The following RAB19 variants were observed in gnomAD, a reference collection of about 807,000 sequenced individuals.
The protein encoded by RAB19 is ras-related protein Rab-19.
A neutral mutation model predicts 17.3 loss-of-function variants in RAB19; 21 were observed. The observed-to-expected ratio is 1.21, with a 90% confidence interval of 0.86 to 1.74. The LOEUF is 1.74. Ranked by LOEUF, RAB19 falls within the 40% of genes most tolerant of loss-of-function variation. The probability of loss-of-function intolerance (pLI) is 0.00; values close to 1 mark genes in which losing one functional copy is unlikely to be tolerated. For missense variants in RAB19, 277 were observed against 286.8 expected, an observed-to-expected ratio of 0.97 and a Z score of 0.25; for synonymous variants, 126 against 110.4, an observed-to-expected ratio of 1.14 and a Z score of -0.88.
intron 3 of RAB19, among the ~76,000 whole-genome samples, chr7:140,421,775 C>G (rs1342012455): frequency 6.6e-6 from 1 of 152,156 alleles, no homozygotes; most frequent in Non-Finnish European, 1.5e-5. Flanking sequence ...ACTGGGTTTA[C>G]AGGCATGAAC....
chr7:140,414,156 T>C (rs1799414532), intron 3 of RAB19, among the ~76,000 whole-genome samples: 1 of 152,130 alleles, frequency 6.6e-6, no homozygotes. Flanking sequence ...GCAATTCTCC[T>C]GCCTCAGCCT....
chr7:140,421,044 C>G (rs1420683417), intron 3 of RAB19, among the ~76,000 whole-genome samples: 4 of 151,890 alleles, frequency 2.6e-5, no homozygotes, highest in Admixed American at 2.0e-4. Flanking sequence ...AGGCGCCCAC[C>G]ACCACACCCA....
intron 2 of RAB19, among the ~76,000 whole-genome samples, chr7:140,408,435 CT>C (rs1289659526): frequency 6.6e-6 from 1 of 150,814 alleles, no homozygotes; most frequent in Non-Finnish European, 1.5e-5. Context: ...GTCAAATTTG[CT>C]TTTTTGGGGG....
chr7:140,411,226 C>T (rs1055700046), intron 2 of RAB19, among the ~76,000 whole-genome samples: 2 of 152,194 alleles, frequency 1.3e-5, no homozygotes, highest in Non-Finnish European at 2.9e-5. Context: ...GGTGAAACCC[C>T]GTCTCTACTA....
Position 140,426,251 on chromosome 7 carries a change from C to A in RAB19, c.*101C>A, listed in dbSNP as rs564146396. On this transcript the variant is annotated 3_prime_UTR_variant, in exon 4 of 4. Coordinates refer to ENST00000537763, the MANE Select transcript of RAB19 (RefSeq NM_001008749.3). ...GCCCCAGTGGCGCTTTAGACCCCAG[C>A]GTGGACTTGCCGCTCACCCCTAATC... The A allele has an allele frequency of 2.2e-5, 31 of 1,380,048 alleles. No individual in the cohort carries two copies. In the African/African-American group the frequency reaches 4.4e-4, roughly 19 times the overall value. 85.5% of individuals were successfully genotyped at this position (1,380,048 alleles called of 1,614,324 possible). A position where few individuals can be genotyped will look rare whatever the true frequency, so the allele number is the denominator to read the frequency against.
At chr7:140,417,028 CCAG>C (rs1799469882) in intron 3 of RAB19, among the ~76,000 whole-genome samples, 1 of 151,028 alleles carries the variant, frequency 6.6e-6, no homozygotes, top group Non-Finnish European at 1.5e-5. Flanking sequence ...GAGTTTGAGA[CCAG>C]CCTGGCCAAC....
In RAB19 at chr7:140,424,635, A is replaced by G. The variant is rs1238524227; in HGVS notation, c.386-1247A>G. 2.2e-4 allele frequency among the ~76,000 whole-genome samples: 29 copies of G among 131,108 alleles called. No individual in the cohort carries two copies. In the South Asian group the frequency reaches 2.4e-3, roughly 11 times the overall value. 86.0% of individuals were successfully genotyped at this position (131,108 alleles called of 152,430 possible). A position where few individuals can be genotyped will look rare whatever the true frequency, so the allele number is the denominator to read the frequency against. On this transcript the variant is annotated intron_variant, in intron 3 of 3. Coordinates refer to ENST00000537763, the MANE Select transcript of RAB19 (RefSeq NM_001008749.3). ...TCTCTCTCTCTATATATATATATAT[A>G]TATATGTGTGTGTGTATATATGTGT...
At chr7:140,421,965 T>C (rs1317619354) in intron 3 of RAB19, among the ~76,000 whole-genome samples, 1 of 152,250 alleles carries the variant, frequency 6.6e-6, no homozygotes, top group African/African-American at 2.4e-5. Context: ...GTTTAATTGA[T>C]TGATTATTAT....
At chr7:140,422,928 T>C (rs978496332) in intron 3 of RAB19, among the ~76,000 whole-genome samples, 12 of 152,168 alleles carry the variant, frequency 7.9e-5, no homozygotes, top group Non-Finnish European at 1.6e-4. Context: ...GCTAACATGG[T>C]GAAACTCTGT....
rs1160023061 is a variant in RAB19, at chr7:140,408,158, T to G, written c.201+311T>G. Among the ~76,000 whole-genome samples, 12 of 151,948 alleles carry G rather than the reference T, an allele frequency of 7.9e-5. 1 individual carries two copies. In the East Asian group the frequency reaches 2.3e-3, roughly 29 times the overall value. On this transcript the variant is annotated intron_variant, in intron 2 of 3. Transcript: ENST00000537763. The stretch of plus-strand genomic sequence containing the variant: ...ACCTCGGCCTCCCAGAGTGCTGGGT[T>G]ACAGGTGTGAGCCACCGCGCCTGGC...
intron 3 of RAB19, 108 bp from the exon 4 acceptor site, chr7:140,425,774 G>T (rs1173771449): frequency 4.4e-6 from 5 of 1,140,820 alleles, no homozygotes; most frequent in Non-Finnish European, 6.3e-6. Flanking sequence ...ATTTGTGAAT[G>T]AATGCATGCA....
At chr7:140,404,970 G>C (rs1403706966) in intron 1 of RAB19, among the ~76,000 whole-genome samples, 2 of 152,216 alleles carry the variant, frequency 1.3e-5, no homozygotes, top group Non-Finnish European at 2.9e-5. Context: ...ACAGAAGTGA[G>C]AGCTGCCCAG....
At chr7:140,417,965 C>T (rs773759603) in intron 3 of RAB19, among the ~76,000 whole-genome samples, 12 of 152,252 alleles carry the variant, frequency 7.9e-5, no homozygotes, top group Non-Finnish European at 1.5e-4. Flanking sequence ...CTGCAAAGAC[C>T]CTGTTAGCAT....
chr7:140,412,969 A>T (rs891782151), intron 3 of RAB19, among the ~76,000 whole-genome samples: 10 of 151,670 alleles, frequency 6.6e-5, no homozygotes, highest in South Asian at 2.1e-4. Flanking sequence ...TACAAAAAAT[A>T]AAAAAAATTA....
At chr7:140,408,410 TCTAA>T (rs1273493196) in intron 2 of RAB19, among the ~76,000 whole-genome samples, 1 of 151,938 alleles carries the variant, frequency 6.6e-6, no homozygotes, top group Admixed American at 6.6e-5. Flanking sequence ...TATACATTTC[TCTAA>T]CTATATAAAG....
In RAB19 at chr7:140,411,901, G is replaced by A; in HGVS notation, c.229G>A (p.Glu77Lys). 2 of 1,614,156 alleles carry A rather than the reference G, an allele frequency of 1.2e-6. No homozygotes were observed. Among genetic ancestry groups the A allele is most frequent in the South Asian group, 1.1e-5 (1 of 91,080 alleles). The stretch of plus-strand genomic sequence containing the variant: ...GCAGGTGTGGGACACAGCTGGCCAG[G>A]AGCGCTTCCGCACCATCACCCAAAG... Reference protein sequence around the residue: ...KMQVWDTAGQERFRTITQSYY... With the variant: ...KMQVWDTAGQKRFRTITQSYY... Residue 77 changes from glutamate to lysine, a missense_variant, in exon 3 of 4, where the codon GAG becomes AAG. Transcript: ENST00000537763.
chr7:140,426,687 C>T lies in RAB19; in HGVS notation c.*537C>T, dbSNP rs539953457. Among the ~76,000 whole-genome samples the T allele has an allele frequency of 8.5e-5, 13 of 152,176 alleles. No individual in the cohort carries two copies. The highest frequency in any genetic ancestry group is 1.9e-4 in the African/African-American group (8 of 41,512). Reference sequence around the variant, plus strand: ...CACCTCAGGTCTTCACTTTGGGGAGCGAAGCCTTTTAGCAGAAATACCAGA... The same window carrying T: ...CACCTCAGGTCTTCACTTTGGGGAGTGAAGCCTTTTAGCAGAAATACCAGA... On this transcript the variant is annotated 3_prime_UTR_variant, in exon 4 of 4. Transcript: ENST00000537763.
chr7:140,405,365 T>C (rs1489194740), intron 1 of RAB19, among the ~76,000 whole-genome samples: 2 of 151,906 alleles, frequency 1.3e-5, no homozygotes. Flanking sequence ...GGATTACAGG[T>C]GCATGCCACC....
intron 3 of RAB19, among the ~76,000 whole-genome samples, chr7:140,420,224 C>A (rs949637119): frequency 6.6e-6 from 1 of 151,986 alleles, no homozygotes; most frequent in Admixed American, 6.6e-5. Flanking sequence ...AGTTCGAGAC[C>A]AGCCTGGCCA....
Sources: gnomAD v4.1 joint callset for allele counts (sites outside exome capture counted in the v4.1 genomes callset) on GRCh38, gnomAD v4.1.1 for gene constraint, MANE v1.5 for transcripts, NCBI Gene and HGNC (gene_info 2026-07-23, HGNC 2026-07-21) for gene names.